PTPRG: variants seen among roughly 807,000 people sequenced by gnomAD.
PTPRG encodes protein tyrosine phosphatase receptor type G.
A neutral mutation model predicts 165.3 loss-of-function variants in PTPRG; 102 were observed. The ratio of observed to expected loss-of-function variants is 0.62; its 90% CI spans 0.53 to 0.73. The LOEUF (loss-of-function observed/expected upper bound fraction) is 0.73. Ranked by LOEUF, PTPRG falls within the 30% of genes least tolerant of loss-of-function variation. The pLI is 0.00. For synonymous variants in PTPRG, 675 were observed against 669.5 expected (o/e 1.01, Z -0.13); for missense variants, 1,866 against 1,861.4 (o/e 1.00, Z -0.05).
chr3:61,935,738 C>G (rs2039470377), intron 2 of PTPRG, among the ~76,000 whole-genome samples: 1 of 150,534 alleles, frequency 6.6e-6, no homozygotes, highest in Non-Finnish European at 1.5e-5. Flanking sequence ...GCAAGATGTC[C>G]CAAATCCAAG....
chr3:61,786,956 T>A (rs768987506), intron 2 of PTPRG, among the ~76,000 whole-genome samples: 88 of 152,252 alleles, frequency 5.8e-4, no homozygotes, highest in Non-Finnish European at 1.0e-3. Flanking sequence ...TCAATGCTAG[T>A]TTTTCTAAGC....
intron 2 of PTPRG, among the ~76,000 whole-genome samples, chr3:61,977,921 G>A (rs1411049718): frequency 6.6e-6 from 1 of 152,208 alleles, no homozygotes; most frequent in Admixed American, 6.5e-5. Flanking sequence ...CTTTTAATTT[G>A]AGTTTAAAGA....
At chr3:61,610,578 TAGTA>T (rs1169603170) in intron 1 of PTPRG, among the ~76,000 whole-genome samples, 2 of 152,238 alleles carry the variant, frequency 1.3e-5, no homozygotes, top group African/African-American at 4.8e-5. Flanking sequence ...CTTAGGGTGA[TAGTA>T]AGAACAGGAA....
chr3:62,283,774 T>C (rs141827985), intron 28 of PTPRG, among the ~76,000 whole-genome samples: 157 of 152,194 alleles, frequency 1.0e-3, no homozygotes, highest in Non-Finnish European at 1.3e-3. Flanking sequence ...ACACAAGAGC[T>C]CAGCACCTTC....
chr3:61,992,579 G>A (rs538024070), intron 3 of PTPRG, among the ~76,000 whole-genome samples: 2 of 151,896 alleles, frequency 1.3e-5, no homozygotes, highest in South Asian at 2.1e-4. Flanking sequence ...CAGTGCATTG[G>A]TGCAATCTCG....
intron 14 of PTPRG, among the ~76,000 whole-genome samples, chr3:62,236,950 T>C (rs906699288): frequency 4.6e-5 from 7 of 152,128 alleles, no homozygotes; most frequent in African/African-American, 1.7e-4. Context: ...GTAAGCAGGT[T>C]TGGAGACCTG....
chr3:62,076,583 CTT>C (rs553757930), intron 4 of PTPRG, among the ~76,000 whole-genome samples: 73 of 139,010 alleles, frequency 5.3e-4, no homozygotes, highest in African/African-American at 1.7e-3. Flanking sequence ...TTCTCTACAT[CTT>C]TTTTTTTTTT....
intron 1 of PTPRG, among the ~76,000 whole-genome samples, chr3:61,567,176 A>G: frequency 6.6e-6 from 1 of 152,174 alleles, no homozygotes; most frequent in East Asian, 1.9e-4. Flanking sequence ...CTGTTTTATT[A>G]ATATTATAGA....
intron 5 of PTPRG, among the ~76,000 whole-genome samples, chr3:62,111,894 G>C (rs759149672): frequency 6.6e-6 from 1 of 152,090 alleles, no homozygotes; most frequent in South Asian, 2.1e-4. Context: ...CCTCATCTAC[G>C]TGTATGTATG....
chr3:62,292,547 C>A lies in PTPRG; in HGVS notation c.4182C>A (p.Phe1394Leu), dbSNP rs1702935496. The A allele has an allele frequency of 6.2e-7, 1 of 1,612,952 alleles. No homozygotes were observed. The highest frequency in any genetic ancestry group is 8.5e-7 in the Non-Finnish European group (1 of 1,179,446). ...TCAATCTTATGAGGCCTGGAGTATTCACAGACATTGTAAGTAGTTTGCTTA... is the reference window on the plus strand; with the variant it reads ...TCAATCTTATGAGGCCTGGAGTATTAACAGACATTGTAAGTAGTTTGCTTA... The part of the protein sequence containing the change: ...KMINLMRPGV[F>L]TDIEQYQFIY... Residue 1394 changes from phenylalanine to leucine, a missense_variant, in exon 29 of 30, where the codon TTC becomes TTA. Phe to Leu is a conservative substitution (Grantham distance 22). Around this residue, in one of 3 missense-constraint regions of PTPRG, gnomAD observed 1,452 missense variants for 1,463.0 expected, o/e 0.99. Transcript: ENST00000474889.
At chr3:61,935,511 C>T (rs1036684421) in intron 2 of PTPRG, among the ~76,000 whole-genome samples, 9 of 152,070 alleles carry the variant, frequency 5.9e-5, no homozygotes, top group Admixed American at 5.2e-4. Context: ...GATCTTTCTC[C>T]AGATGCAAAA....
chr3:61,593,026 C>G (rs1003352827), intron 1 of PTPRG, among the ~76,000 whole-genome samples: 1 of 152,162 alleles, frequency 6.6e-6, no homozygotes, highest in Non-Finnish European at 1.5e-5. Context: ...GGGTATCATG[C>G]TCTGGTCAGC....
intron 1 of PTPRG, among the ~76,000 whole-genome samples, chr3:61,571,169 C>T (rs1000446366): frequency 9.2e-5 from 14 of 152,146 alleles, no homozygotes; most frequent in Non-Finnish European, 1.9e-4. Flanking sequence ...TTAATCATCC[C>T]TGGAAGTATG....
chr3:61,807,988 T>C (rs752585446), intron 2 of PTPRG, among the ~76,000 whole-genome samples: 1 of 152,186 alleles, frequency 6.6e-6, no homozygotes, highest in Non-Finnish European at 1.5e-5. Context: ...TTAACGCCTG[T>C]TTATCAGATT....
intron 1 of PTPRG, among the ~76,000 whole-genome samples, chr3:61,718,747 A>C (rs922708832): frequency 6.6e-6 from 1 of 152,200 alleles, no homozygotes; most frequent in African/African-American, 2.4e-5. Context: ...ATTTCGCTGG[A>C]TAGAATTGGA....
chr3:62,257,134 C>G (rs182416544), intron 16 of PTPRG, among the ~76,000 whole-genome samples: 6 of 152,110 alleles, frequency 3.9e-5, no homozygotes, highest in Admixed American at 2.6e-4. Flanking sequence ...AAAAGAACAG[C>G]AAAGCAGCAA....
At chr3:61,686,108 T>C (rs966198806) in intron 1 of PTPRG, among the ~76,000 whole-genome samples, 2 of 152,130 alleles carry the variant, frequency 1.3e-5, no homozygotes, top group African/African-American at 4.8e-5. Flanking sequence ...TTGTTTACAT[T>C]TGTTTTAGTA....
At chr3:62,134,154 G>T (rs145954498) in intron 6 of PTPRG, among the ~76,000 whole-genome samples, 1 of 152,192 alleles carries the variant, frequency 6.6e-6, no homozygotes, top group Non-Finnish European at 1.5e-5. Context: ...ACCTTCAGGC[G>T]ACAGCAGAGG....
At chr3:62,200,809 G>T (rs73098568) in intron 10 of PTPRG, among the ~76,000 whole-genome samples, 6 of 152,118 alleles carry the variant, frequency 3.9e-5, no homozygotes, top group Admixed American at 3.9e-4. Flanking sequence ...TACACAAAAG[G>T]TAAGGTGGGC....
Sources: gnomAD v4.1 joint callset for allele counts (sites outside exome capture counted in the v4.1 genomes callset) on GRCh38, gnomAD v4.1.1 for gene constraint, gnomAD v4.1.1 regional missense constraint, MANE v1.5 for transcripts, NCBI Gene and HGNC (gene_info 2026-07-23, HGNC 2026-07-21) for gene names.